The following ATP6V1C2 variants were observed in gnomAD, a reference collection of about 807,000 sequenced individuals.
ATP6V1C2 encodes V-type proton ATPase subunit C 2.
A neutral mutation model predicts 56.8 loss-of-function variants in ATP6V1C2; 45 were observed. The observed-to-expected ratio is 0.79, with a 90% confidence interval of 0.62 to 1.02. The LOEUF (loss-of-function observed/expected upper bound fraction) is 1.02. Among genes scored for constraint, ATP6V1C2 ranks in the 50% least tolerant of loss-of-function variants. The pLI, the probability that ATP6V1C2 is intolerant of heterozygous loss-of-function variation, is 0.00. For missense variants in ATP6V1C2, 463 were observed against 519.7 expected, an observed-to-expected ratio of 0.89 and a Z score of 1.06; for synonymous variants, 220 against 201.3, an observed-to-expected ratio of 1.09 and a Z score of -0.79.
intron 12 of ATP6V1C2, 55 bp downstream of exon 12, chr2:10,778,724 G>A: frequency 6.5e-7 from 1 of 1,550,114 alleles, no homozygotes; most frequent in East Asian, 2.2e-5. Flanking sequence ...CAGGGTCTGG[G>A]GGAGCTATCG....
At chr2:10,734,555 T>C (rs1662151288) in intron 3 of ATP6V1C2, among the ~76,000 whole-genome samples, 1 of 152,166 alleles carries the variant, frequency 6.6e-6, no homozygotes, top group Admixed American at 6.5e-5. Context: ...GTTAGAGATC[T>C]TATCTAACCT....
intron 3 of ATP6V1C2, among the ~76,000 whole-genome samples, chr2:10,746,412 CTTCTT>C (rs1382757160): frequency 7.3e-6 from 1 of 137,826 alleles, no homozygotes; most frequent in Non-Finnish European, 1.6e-5. Context: ...TTTTTTTCTT[CTTCTT>C]TTTTCTTTTT....
At chr2:10,762,189 AGGCTGGAGTGCAGT>A (rs1417264058) in intron 4 of ATP6V1C2, among the ~76,000 whole-genome samples, 2 of 142,786 alleles carry the variant, frequency 1.4e-5, no homozygotes, top group Non-Finnish European at 3.0e-5. Context: ...TTCGTTGCCC[AGGCTGGAGTGCAGT>A]GGCTCATTCT....
chr2:10,760,679 C>T (rs1663857482), intron 4 of ATP6V1C2, among the ~76,000 whole-genome samples: 1 of 152,240 alleles, frequency 6.6e-6, no homozygotes, highest in Non-Finnish European at 1.5e-5. Context: ...AAGCCACAGC[C>T]TTGCTGGGGC....
intron 3 of ATP6V1C2, among the ~76,000 whole-genome samples, chr2:10,730,168 T>C (rs1408493078): frequency 6.6e-6 from 1 of 152,086 alleles, no homozygotes; most frequent in Admixed American, 6.6e-5. Context: ...CCAGCTGGAG[T>C]ACAGTGGCAC....
At chr2:10,765,844 C>T (rs1286356036) in intron 5 of ATP6V1C2, among the ~76,000 whole-genome samples, 2 of 152,166 alleles carry the variant, frequency 1.3e-5, no homozygotes, top group Non-Finnish European at 2.9e-5. Flanking sequence ...GAAGGGCCCC[C>T]TGGAGCACAT....
chr2:10,736,145 C>T (rs1174334818), intron 3 of ATP6V1C2, among the ~76,000 whole-genome samples: 2 of 151,208 alleles, frequency 1.3e-5, no homozygotes. Flanking sequence ...GAGTTGGGGC[C>T]TGAGAACCTG....
chr2:10,724,469 G>T (rs1021225216), intron 2 of ATP6V1C2, among the ~76,000 whole-genome samples: 1 of 152,048 alleles, frequency 6.6e-6, no homozygotes, highest in Non-Finnish European at 1.5e-5. Context: ...GCCTGCCTCT[G>T]CTTGTCCAGC....
At chr2:10,772,694 G>T in intron 8 of ATP6V1C2, 84 bp downstream of exon 8, 1 of 1,201,774 alleles carries the variant, frequency 8.3e-7, no homozygotes, top group South Asian at 1.2e-5. Flanking sequence ...AACATGCCCC[G>T]AGGGTGTGAG....
At position 10,782,223 on chromosome 2, in the gene ATP6V1C2, C is replaced by T. The variant is rs770656822; in HGVS notation, c.1062-20C>T. On this transcript the variant is annotated intron_variant, in intron 12 of 13. Coordinates refer to ENST00000272238, the MANE Select transcript of ATP6V1C2 (RefSeq NM_001039362.2). The stretch of plus-strand genomic sequence containing the variant: ...TTGCATTTGGAGCAGTGAACTGACA[C>T]ATTTTGTCTATCTGAAAAGGTATGG... 3.1e-6 allele frequency: 5 copies of T among 1,613,432 alleles called. No individual in the cohort carries two copies. Among genetic ancestry groups the T allele is most frequent in the East Asian group, 4.5e-5 (2 of 44,872 alleles).
Position 10,785,104 on chromosome 2 carries a change from A to G in ATP6V1C2, c.*1841A>G, listed in dbSNP as rs1188474480. The G allele has an allele frequency of 9.8e-7, 1 of 1,018,424 alleles. No homozygotes were observed. The highest frequency in any genetic ancestry group is 2.6e-5 in the East Asian group (1 of 38,504). 63.1% of individuals were successfully genotyped at this position (1,018,424 alleles called of 1,614,324 possible). Reference sequence around the variant, plus strand: ...TGGTGCAGAAGAATAAACAACTTTAAAAATAACAGTCTGCCTACTTTGTTT... The same window carrying G: ...TGGTGCAGAAGAATAAACAACTTTAGAAATAACAGTCTGCCTACTTTGTTT... On this transcript the variant is annotated 3_prime_UTR_variant, in exon 14 of 14. Transcript: ENST00000272238.
chr2:10,722,964 A>G lies in ATP6V1C2; in HGVS notation c.115A>G (p.Ile39Val). ...SNLSYNTKFAIPDFKVGTLDS... is the reference protein window; with the variant it reads ...SNLSYNTKFAVPDFKVGTLDS... ...CCTGTCTTATAATACCAAATTCGCT[A>G]TTCCTGACTTCAAGGTAAAATTCTT... is the stretch of plus-strand genomic sequence containing the variant. The change falls in exon 2 of 14, where the codon ATT becomes GTT. Residue 39 changes from isoleucine (I) to valine (V), a missense_variant. By Grantham distance (29) the Ile-to-Val change is conservative. Transcript: ENST00000272238. 6.2e-7 allele frequency: 1 copy of G among 1,614,026 alleles called. No individual in the cohort carries two copies. The highest frequency in any genetic ancestry group is 1.3e-5 in the African/African-American group (1 of 75,036).
At position 10,777,602 on chromosome 2, in the gene ATP6V1C2, T is replaced by C. The variant is rs535219551; in HGVS notation, c.843T>C (p.Ala281=). The change falls in exon 11 of 14, where the codon GCT becomes GCC. Residue 281 remains alanine (A), a synonymous_variant. Transcript: ENST00000272238. ...GCCTTTAGCAAACTTCCTGTGTTGC[T>C]CTTAAAAAGGGATCATCCACCTTCC... is the stretch of plus-strand genomic sequence containing the variant. The part of the protein sequence containing the change: ...KKQQYQTSCV[A]LKKGSSTFPD... 2.5e-6 allele frequency: 4 copies of C among 1,613,032 alleles called. No homozygotes were observed. The South Asian group carries it at 4.4e-5, about 18-fold the overall frequency.
rs544695075 is a variant in ATP6V1C2, at chr2:10,774,842, A to T, written c.693A>T (p.Lys231Asn). ...TTTTCACTGTGACTCTGTTTCGAAAAGTGATTGAAGATTTCAAAACCAAGG... is the reference window on the plus strand; with the variant it reads ...TTTTCACTGTGACTCTGTTTCGAAATGTGATTGAAGATTTCAAAACCAAGG... ...GGLFTVTLFR[K>N]VIEDFKTKAK... Residue 231 changes from lysine to asparagine, a missense_variant, in exon 9 of 14, where the codon AAA becomes AAT. By Grantham distance (94) the Lys-to-Asn change is moderately conservative (BLOSUM62 0). Transcript: ENST00000272238. The T allele has an allele frequency of 6.2e-7, 1 of 1,614,212 alleles. No homozygotes were observed. Among genetic ancestry groups the T allele is most frequent in the African/African-American group, 1.3e-5 (1 of 75,060 alleles).
chr2:10,750,385 C>T lies in ATP6V1C2; in HGVS notation c.198-3596C>T, dbSNP rs550189252. Among the ~76,000 whole-genome samples the T allele has an allele frequency of 6.6e-5, 10 of 151,990 alleles. No homozygotes were observed. In the South Asian group the frequency reaches 8.3e-4, roughly 13 times the overall value. On this transcript the variant is annotated intron_variant, in intron 3 of 13. Coordinates refer to ENST00000272238, the MANE Select transcript of ATP6V1C2 (RefSeq NM_001039362.2). ...TACAAAAATTAGCAGGGCATGGTGA[C>T]GGGTGCCTGTAGTCCAGCTACTCAG... is the stretch of plus-strand genomic sequence containing the variant.
chr2:10,733,851 C>A (rs1436370718), intron 3 of ATP6V1C2, among the ~76,000 whole-genome samples: 2 of 152,114 alleles, frequency 1.3e-5, no homozygotes, highest in South Asian at 4.1e-4. Flanking sequence ...GAGTGCTTCC[C>A]CTGTCTATGG....
At chr2:10,777,870 C>T in intron 11 of ATP6V1C2, 148 bp downstream of exon 11, 1 of 1,065,644 alleles carries the variant, frequency 9.4e-7, no homozygotes, top group Admixed American at 3.1e-5. Context: ...TCATGCCTTC[C>T]TCCTAATCTG....
intron 3 of ATP6V1C2, among the ~76,000 whole-genome samples, chr2:10,735,576 TCTC>T (rs1034496564): frequency 4.6e-5 from 7 of 151,450 alleles, no homozygotes; most frequent in South Asian, 2.1e-4. Flanking sequence ...TGTGAACAAA[TCTC>T]CTGGTCTTTT....
intron 4 of ATP6V1C2, among the ~76,000 whole-genome samples, chr2:10,754,730 A>G (rs887893398): frequency 4.0e-5 from 6 of 151,054 alleles, no homozygotes; most frequent in African/African-American, 1.2e-4. Context: ...CCGCCACCAC[A>G]CCTAGCTAAT....
Sources: gnomAD v4.1 joint callset for allele counts (sites outside exome capture counted in the v4.1 genomes callset) on GRCh38, gnomAD v4.1.1 for gene constraint, MANE v1.5 for transcripts, NCBI Gene and HGNC (gene_info 2026-07-23, HGNC 2026-07-21) for gene names.